SCN9A: variants seen among roughly 807,000 people sequenced by gnomAD.
SCN9A encodes sodium voltage-gated channel alpha subunit 9.
In SCN9A, 131 loss-of-function variants were observed where a neutral mutation model predicts 187.0. That is an observed-to-expected ratio of 0.70 (90% CI 0.61 to 0.81). The LOEUF (loss-of-function observed/expected upper bound fraction) is 0.81, where lower values mean the gene tolerates loss of function less well. Ranked by LOEUF, SCN9A falls within the 30% of genes least tolerant of loss-of-function variation. SCN9A has a pLI of 0.00. For synonymous variants in SCN9A, 809 were observed against 808.6 expected (o/e 1.00, Z -0.01); for missense variants, 2,252 against 2,396.6 (o/e 0.94, Z 1.26).
Position 166,280,410 on chromosome 2 carries a change from C to T in SCN9A, c.2290G>A (p.Glu764Lys). 6.3e-7 allele frequency: 1 copy of T among 1,591,344 alleles called. No homozygotes were observed. Among genetic ancestry groups the T allele is most frequent in the Non-Finnish European group, 8.6e-7 (1 of 1,167,380 alleles). Residue 764 changes from glutamate to lysine, a missense_variant, in exon 14 of 27, where the codon GAA (glutamate) becomes AAA (lysine). Glu to Lys is a moderately conservative substitution (Grantham distance 56). Transcript: ENST00000642356. The part of the protein sequence containing the change: ...IVLNTLFMAM[E>K]HHPMTEEFKN... ...AATTCCTCAGTCATTGGGTGGTGTT[C>T]CATAGCCATAAATAATGTGTTTAAA...
At chr2:166,216,424 G>T (rs1254161304) in intron 24 of SCN9A, among the ~76,000 whole-genome samples, 1 of 151,954 alleles carries the variant, frequency 6.6e-6, no homozygotes, top group Non-Finnish European at 1.5e-5. Flanking sequence ...ATCCATGTAA[G>T]AAAGCAAGAA....
At chr2:166,240,469 C>T (rs569290696) in intron 19 of SCN9A, among the ~76,000 whole-genome samples, 1 of 152,158 alleles carries the variant, frequency 6.6e-6, no homozygotes, top group Non-Finnish European at 1.5e-5. Context: ...ATGCCCTCCC[C>T]AAATGTCTTC....
intron 1 of SCN9A, among the ~76,000 whole-genome samples, chr2:166,333,167 TAC>T (rs1317652403): frequency 6.6e-6 from 1 of 152,042 alleles, no homozygotes; most frequent in East Asian, 1.9e-4. Flanking sequence ...GCAAAAAGAA[TAC>T]ACAGTCAGTT....
At chr2:166,288,829 A>G (rs1019941242) in intron 9 of SCN9A, among the ~76,000 whole-genome samples, 186 bp from the exon 10 acceptor site, 5 of 152,186 alleles carry the variant, frequency 3.3e-5, no homozygotes, top group Non-Finnish European at 7.3e-5. Flanking sequence ...GAATATAGCA[A>G]TGTAATATGC....
chr2:166,361,680 T>C (rs1041264425), intron 1 of SCN9A, among the ~76,000 whole-genome samples: 3 of 152,056 alleles, frequency 2.0e-5, no homozygotes, highest in Non-Finnish European at 4.4e-5. Context: ...AAATAATAAA[T>C]GTGGCAAGTG....
At chr2:166,208,464 TGATAA>T (rs939322016) in intron 24 of SCN9A, among the ~76,000 whole-genome samples, 7 of 152,202 alleles carry the variant, frequency 4.6e-5, no homozygotes, top group East Asian at 3.9e-4. Flanking sequence ...TTAAACTTCC[TGATAA>T]GATGAGAGTT....
Position 166,284,537 on chromosome 2 carries a change from C to T in SCN9A, c.1890G>A (p.Leu630=), listed in dbSNP as rs752930812. 5 of 1,614,128 alleles carry T rather than the reference C, an allele frequency of 3.1e-6. No homozygotes were observed. The highest frequency in any genetic ancestry group is 2.2e-5 in the South Asian group (2 of 91,092). ...GCATGAGGGCTGAGCGTCCATCAACCAGGGAGACCACACCGTTGCAGTCCA... is the reference window on the plus strand; with the variant it reads ...GCATGAGGGCTGAGCGTCCATCAACTAGGGAGACCACACCGTTGCAGTCCA... ...SAVDCNGVVS[L]VDGRSALMLP... Residue 630 remains leucine, a synonymous_variant, in exon 12 of 27, where the codon CTG becomes CTA. Transcript: ENST00000642356.
In SCN9A at chr2:166,198,543, G is replaced by T. The variant is rs16851759; in HGVS notation, c.*129C>A. The T allele has an allele frequency of 1.0e-5, 7 of 680,216 alleles. No homozygotes were observed. In the Admixed American group the frequency reaches 1.8e-4, roughly 17 times the overall value. 42.1% of individuals were successfully genotyped at this position (680,216 alleles called of 1,614,324 possible). A position where few individuals can be genotyped will look rare whatever the true frequency, so the allele number is the denominator to read the frequency against. On this transcript the variant is annotated 3_prime_UTR_variant, in exon 27 of 27. Coordinates refer to ENST00000642356, the MANE Select transcript of SCN9A (RefSeq NM_001365536.1). Reference sequence around the variant, plus strand: ...TGCCCACCTTTCTTAGGAAATCAGAGTTAGTGACTGCACTGCCTTCGAGAA... The same window carrying T: ...TGCCCACCTTTCTTAGGAAATCAGATTTAGTGACTGCACTGCCTTCGAGAA...
At chr2:166,340,580 T>TTCTTTCTTTC (rs1699753443) in intron 1 of SCN9A, among the ~76,000 whole-genome samples, 1 of 91,956 alleles carries the variant, frequency 1.1e-5, no homozygotes, top group Non-Finnish European at 2.0e-5. Context: ...CTTTCTTTCT[T>TTCTTTCTTTC]TCTTTCTTTC....
chr2:166,206,029 G>A (rs1318633782), intron 24 of SCN9A, among the ~76,000 whole-genome samples: 1 of 152,296 alleles, frequency 6.6e-6, no homozygotes, highest in East Asian at 1.9e-4. Context: ...TGTTGGAGAG[G>A]ATGTGGAGAA....
At chr2:166,210,599 G>C (rs4358132) in intron 24 of SCN9A, among the ~76,000 whole-genome samples, 3 of 147,782 alleles carry the variant, frequency 2.0e-5, no homozygotes, top group Non-Finnish European at 4.5e-5. Flanking sequence ...ATGAGTGAAG[G>C]TTCATGGGAC....
At chr2:166,323,421 A>C (rs4465779) in intron 1 of SCN9A, among the ~76,000 whole-genome samples, 4 of 151,962 alleles carry the variant, frequency 2.6e-5, no homozygotes, top group African/African-American at 9.7e-5. Context: ...TCCCCAAGGT[A>C]CTATGAAAAC....
At chr2:166,280,690 G>C (rs1697445249) in intron 13 of SCN9A, 95 bp from the exon 14 acceptor site, 1 of 722,042 alleles carries the variant, frequency 1.4e-6, no homozygotes, top group East Asian at 2.7e-5. Flanking sequence ...ATTGAAACAA[G>C]GTTTATAGTT....
intron 10 of SCN9A, 77 bp from the exon 11 acceptor site, chr2:166,286,700 C>T (rs9917401): frequency 0.076 from 88,757 of 1,172,614 alleles, 3,671 homozygotes; most frequent in African/African-American, 0.14. Context: ...ACATCTTTCA[C>T]CTATTAGCAT....
intron 1 of SCN9A, among the ~76,000 whole-genome samples, chr2:166,355,379 A>T (rs545964402): frequency 6.6e-6 from 1 of 152,160 alleles, no homozygotes; most frequent in African/African-American, 2.4e-5. Context: ...TCATAATTTG[A>T]TATTTAAAAC....
At chr2:166,280,618 A>C in intron 13 of SCN9A, 23 bp from the exon 14 acceptor site, 1 of 1,364,082 alleles carries the variant, frequency 7.3e-7, no homozygotes, top group Non-Finnish European at 1.0e-6. Context: ...AGCAGAGAAC[A>C]TGGAGTCAGC....
At chr2:166,367,528 A>G (rs895228309) in intron 1 of SCN9A, among the ~76,000 whole-genome samples, 2 of 152,086 alleles carry the variant, frequency 1.3e-5, no homozygotes, top group African/African-American at 4.8e-5. Context: ...AGCCTTCCAA[A>G]GTGCTGGATT....
chr2:166,251,906 C>T (rs749008702), intron 17 of SCN9A, 21 bp from the exon 18 acceptor site: 19 of 1,611,002 alleles, frequency 1.2e-5, no homozygotes, highest in Non-Finnish European at 1.6e-5. Context: ...ATTCACCACC[C>T]CACCAGGTAG....
intron 5 of SCN9A, 90 bp from the exon 6 acceptor site, chr2:166,304,419 G>C: frequency 9.0e-7 from 1 of 1,106,572 alleles, no homozygotes; most frequent in South Asian, 1.4e-5. Context: ...TACGTTTGGG[G>C]CTTCTATTTT....
Sources: gnomAD v4.1 joint callset for allele counts (sites outside exome capture counted in the v4.1 genomes callset) on GRCh38, gnomAD v4.1.1 for gene constraint, MANE v1.5 for transcripts, NCBI Gene and HGNC (gene_info 2026-07-23, HGNC 2026-07-21) for gene names.